RDH10: variants seen among roughly 807,000 people sequenced by gnomAD.
RDH10 encodes retinol dehydrogenase 10 (all-trans).
A neutral mutation model predicts 30.2 loss-of-function variants in RDH10; 12 were observed. The observed-to-expected ratio is 0.40, with a 90% CI of 0.25 to 0.64. The LOEUF (loss-of-function observed/expected upper bound fraction) is 0.64. RDH10 is among the 30% of genes least tolerant of loss of function. RDH10 has a pLI of 0.43. For missense variants in RDH10, 268 were observed against 445.2 expected (o/e 0.60, Z 3.58); for synonymous variants, 189 against 172.2 (o/e 1.10, Z -0.76).
chr8:73,324,697 C>T lies in RDH10; in HGVS notation c.*1661C>T, dbSNP rs1211792601. ...AGTGTTGGGAAACAGACATTAACAA[C>T]CTAGGGTGCCTGCACTCAAATAGCC... On this transcript the variant is annotated 3_prime_UTR_variant, in exon 6 of 6. Coordinates refer to ENST00000240285, the MANE Select transcript of RDH10 (RefSeq NM_172037.5). 1.3e-5 allele frequency: 2 copies of T among 151,968 alleles called. No homozygotes were observed. Among genetic ancestry groups the T allele is most frequent in the African/African-American group, 4.8e-5 (2 of 41,348 alleles). The allele number at this position is 151,968 out of a possible 1,614,324, so 9.4% of individuals were successfully genotyped here. A position where few individuals can be genotyped will look rare whatever the true frequency, so the allele number is the denominator to read the frequency against.
chr8:73,313,084 A>C (rs1306496139), intron 2 of RDH10: 1 of 152,262 alleles, frequency 6.6e-6, no homozygotes, highest in East Asian at 1.9e-4. Flanking sequence ...TTCAAAAGTC[A>C]GACCTTGCCG....
At chr8:73,296,079 A>AT (rs2130352058) in intron 1 of RDH10, among the ~76,000 whole-genome samples, 1 of 152,354 alleles carries the variant, frequency 6.6e-6, no homozygotes, top group African/African-American at 2.4e-5. Context: ...TTCGCCAGCG[A>AT]TAAGTGCTTT....
intron 2 of RDH10, among the ~76,000 whole-genome samples, chr8:73,298,798 G>A (rs768805021): frequency 6.6e-6 from 1 of 152,098 alleles, no homozygotes; most frequent in South Asian, 2.1e-4. Flanking sequence ...AAGTGCTGGC[G>A]TGAGCCACCG....
intron 2 of RDH10, among the ~76,000 whole-genome samples, chr8:73,317,486 G>GT (rs1814693606): frequency 6.6e-6 from 1 of 152,006 alleles, no homozygotes; most frequent in Admixed American, 6.6e-5. Flanking sequence ...TGGGAGTGGG[G>GT]TACTACATGA....
At chr8:73,305,449 C>A (rs1814450385) in intron 2 of RDH10, among the ~76,000 whole-genome samples, 1 of 152,152 alleles carries the variant, frequency 6.6e-6, no homozygotes, top group African/African-American at 2.4e-5. Flanking sequence ...AAAATTTCTG[C>A]TTTAGTTCTT....
chr8:73,318,173 G>A (rs1759818955), intron 2 of RDH10, among the ~76,000 whole-genome samples: 1 of 152,194 alleles, frequency 6.6e-6, no homozygotes, highest in African/African-American at 2.4e-5. Flanking sequence ...AAAACTGTTG[G>A]GAGCCTGGTG....
chr8:73,295,221 GCCCGATT>G lies in RDH10; in HGVS notation c.-68_-62del. ...TGTGACAAGCGCCCCGGAGCCGGGA[GCCCGATT>G]GCCGGGCTCGGGGTGGGCGCGGACG... On this transcript the variant is annotated 5_prime_UTR_variant, in exon 1 of 6. Transcript: ENST00000240285. 1.4e-6 allele frequency: 2 copies of G among 1,384,308 alleles called. No individual in the cohort carries two copies. Among genetic ancestry groups the G allele is most frequent in the Non-Finnish European group, 9.5e-7 (1 of 1,049,178 alleles). 85.8% of individuals were successfully genotyped at this position (1,384,308 alleles called of 1,614,324 possible). A position where few individuals can be genotyped will look rare whatever the true frequency, so the allele number is the denominator to read the frequency against.
chr8:73,298,444 G>T (rs1814317527), intron 2 of RDH10, among the ~76,000 whole-genome samples: 2 of 152,164 alleles, frequency 1.3e-5, no homozygotes, highest in African/African-American at 4.8e-5. Context: ...TTCAAATGTT[G>T]CACCTCAAGC....
At position 73,323,080 on chromosome 8, in the gene RDH10, A is replaced by C; in HGVS notation, c.*44A>C. On this transcript the variant is annotated 3_prime_UTR_variant, in exon 6 of 6. Transcript: ENST00000240285. ...TATTACTTCTATCAGAAGATGATCAAGATGTTTCAGTCCAGTGCACATCAG... is the reference window on the plus strand; with the variant it reads ...TATTACTTCTATCAGAAGATGATCACGATGTTTCAGTCCAGTGCACATCAG... 1 of 1,505,530 alleles carries C rather than the reference A, an allele frequency of 6.6e-7. No homozygotes were observed. The highest frequency in any genetic ancestry group is 1.7e-4 in the Middle Eastern group (1 of 5,870). 93.3% of individuals were successfully genotyped at this position (1,505,530 alleles called of 1,614,324 possible).
intron 2 of RDH10, chr8:73,313,308 C>G (rs2130372283): frequency 6.6e-6 from 1 of 152,318 alleles, no homozygotes; most frequent in Admixed American, 6.5e-5. Context: ...ACTTACATGT[C>G]TGTTTAAGAA....
In RDH10 at chr8:73,323,075, G is replaced by C. The variant is rs1456075732; in HGVS notation, c.*39G>C. 6 of 1,541,374 alleles carry C rather than the reference G, an allele frequency of 3.9e-6. No homozygotes were observed. Among genetic ancestry groups the C allele is most frequent in the Non-Finnish European group, 5.4e-6 (6 of 1,115,244 alleles). On this transcript the variant is annotated 3_prime_UTR_variant, in exon 6 of 6. Coordinates refer to ENST00000240285, the MANE Select transcript of RDH10 (RefSeq NM_172037.5). ...TGGAATATTACTTCTATCAGAAGATGATCAAGATGTTTCAGTCCAGTGCAC... is the reference window on the plus strand; with the variant it reads ...TGGAATATTACTTCTATCAGAAGATCATCAAGATGTTTCAGTCCAGTGCAC...
intron 4 of RDH10, chr8:73,321,700 C>G: frequency 2.4e-6 from 1 of 414,504 alleles, no homozygotes; most frequent in Non-Finnish European, 4.9e-6. Context: ...ATAAACAAAA[C>G]TGTGAATCAT....
In RDH10 at chr8:73,294,921, G is replaced by GGCA. The variant is rs1814225844; in HGVS notation, c.-363_-361dup. The GGCA allele has an allele frequency of 2.5e-6, 1 of 394,856 alleles. No individual in the cohort carries two copies. Among genetic ancestry groups the GGCA allele is most frequent in the African/African-American group, 2.1e-5 (1 of 48,400 alleles). The allele number at this position is 394,856 out of a possible 1,614,324, so 24.5% of individuals were successfully genotyped here. On this transcript the variant is annotated 5_prime_UTR_variant, in exon 1 of 6. Coordinates refer to ENST00000240285, the MANE Select transcript of RDH10 (RefSeq NM_172037.5). ...GCGCCGGTTCCGGGGACGCTCGGGC[G>GGCA]GCAGCAGCTTGGCCATGAGGGCAGT...
intron 2 of RDH10, among the ~76,000 whole-genome samples, chr8:73,304,480 A>G (rs1814434934): frequency 6.6e-6 from 1 of 152,108 alleles, no homozygotes; most frequent in African/African-American, 2.4e-5. Flanking sequence ...AGCAGCCTTG[A>G]GTTTGTTATC....
chr8:73,325,136 C>A lies in RDH10; in HGVS notation c.*2100C>A, dbSNP rs968278753. The A allele has an allele frequency of 6.6e-5, 10 of 152,302 alleles. No individual in the cohort carries two copies. The East Asian group carries it at 1.3e-3, about 21-fold the overall frequency. The allele number at this position is 152,302 out of a possible 1,614,324, so 9.4% of individuals were successfully genotyped here. A position where few individuals can be genotyped will look rare whatever the true frequency, so the allele number is the denominator to read the frequency against. Reference sequence around the variant, plus strand: ...GAGAAATCTGTTATAATTTAACAACCCACTTATCCACCTTAAAACTGAGGA... The same window carrying A: ...GAGAAATCTGTTATAATTTAACAACACACTTATCCACCTTAAAACTGAGGA... On this transcript the variant is annotated 3_prime_UTR_variant, in exon 6 of 6. Transcript: ENST00000240285.
chr8:73,311,500 T>C (rs142683801), intron 2 of RDH10: 1 of 152,368 alleles, frequency 6.6e-6, no homozygotes, highest in East Asian at 1.9e-4. Context: ...AGGTGTTCAT[T>C]TGAAAAGCCT....
chr8:73,324,032 T>G lies in RDH10; in HGVS notation c.*996T>G, dbSNP rs1814821324. On this transcript the variant is annotated 3_prime_UTR_variant, in exon 6 of 6. Transcript: ENST00000240285. ...CCTAAAAGATCATACATTTTCTACC[T>G]ATGAATTTTGCTGCATACAGAAAGT... is the stretch of plus-strand genomic sequence containing the variant. The G allele has an allele frequency of 6.5e-6, 1 of 152,674 alleles. No individual in the cohort carries two copies. Among genetic ancestry groups the G allele is most frequent in the African/African-American group, 2.4e-5 (1 of 41,460 alleles). The allele number at this position is 152,674 out of a possible 1,614,324, so 9.5% of individuals were successfully genotyped here. A position where few individuals can be genotyped will look rare whatever the true frequency, so the allele number is the denominator to read the frequency against.
At chr8:73,315,895 C>T (rs892962102) in intron 2 of RDH10, among the ~76,000 whole-genome samples, 2 of 152,194 alleles carry the variant, frequency 1.3e-5, no homozygotes, top group Middle Eastern at 3.2e-3. Flanking sequence ...GGCAAATTTT[C>T]AAAACTTAAA....
intron 1 of RDH10, among the ~76,000 whole-genome samples, chr8:73,296,509 C>T (rs1395316446): frequency 6.6e-6 from 1 of 152,026 alleles, no homozygotes; most frequent in Non-Finnish European, 1.5e-5. Context: ...TTTGTGCTCC[C>T]TGCCGAAACC....
Sources: allele counts gnomAD v4.1 joint callset (sites outside exome capture counted in the v4.1 genomes callset), GRCh38; gene constraint gnomAD v4.1.1; transcripts MANE v1.5; gene names NCBI Gene and HGNC (gene_info 2026-07-23, HGNC 2026-07-21).